The following PACRG variants were observed in gnomAD, a reference collection of about 807,000 sequenced individuals.
The protein encoded by PACRG is parkin coregulated.
Under a neutral mutation model 29.7 loss-of-function variants are expected in PACRG, and 29 were observed. The observed-to-expected ratio is 0.98, with a 90% CI of 0.73 to 1.33. The LOEUF is 1.33. Among genes scored for constraint, PACRG ranks in the 40% most tolerant of loss-of-function variants. The probability of loss-of-function intolerance (pLI) is 0.00; values close to 1 mark genes in which losing one functional copy is unlikely to be tolerated. For synonymous variants in PACRG, 116 were observed against 118.7 expected (o/e 0.98, Z 0.15); for missense variants, 279 against 316.2 (o/e 0.88, Z 0.89).
intron 4 of PACRG, among the ~76,000 whole-genome samples, chr6:163,175,626 G>A (rs1360537773): frequency 6.6e-6 from 1 of 152,064 alleles, no homozygotes; most frequent in African/African-American, 2.4e-5. Flanking sequence ...AGTGGGGAGG[G>A]ACGGAATGTC....
intron 3 of PACRG, among the ~76,000 whole-genome samples, chr6:163,084,602 C>T (rs1324414560): frequency 1.3e-5 from 2 of 152,060 alleles, no homozygotes; most frequent in Non-Finnish European, 2.9e-5. Context: ...TGCCATTACG[C>T]GTTACAGTTC....
upstream of PACRG, chr6:162,727,746 G>T (rs765761156): frequency 1.4e-6 from 2 of 1,445,300 alleles, no homozygotes; most frequent in Non-Finnish European, 9.5e-7. Flanking sequence ...TCCCACCAGC[G>T]GCTCTCCTGG....
chr6:162,808,873 T>A (rs1452638361), intron 1 of PACRG, among the ~76,000 whole-genome samples: 1 of 152,176 alleles, frequency 6.6e-6, no homozygotes, highest in Non-Finnish European at 1.5e-5. Flanking sequence ...TATAATATTT[T>A]CTCTTCTACA....
At chr6:162,728,708 C>G (rs551211652) in intron 1 of PACRG, among the ~76,000 whole-genome samples, 3 of 152,318 alleles carry the variant, frequency 2.0e-5, no homozygotes, top group South Asian at 4.1e-4. Context: ...TAATTCCTAA[C>G]TAGCCCCACT....
chr6:162,950,197 T>C (rs1799539204), intron 2 of PACRG, among the ~76,000 whole-genome samples: 1 of 152,158 alleles, frequency 6.6e-6, no homozygotes, highest in Non-Finnish European at 1.5e-5. Flanking sequence ...ATGCAGTAAT[T>C]ATTAAAAGTA....
intron 3 of PACRG, among the ~76,000 whole-genome samples, chr6:163,075,624 T>TA (rs1812472143): frequency 6.6e-6 from 1 of 152,208 alleles, no homozygotes. Context: ...CAAGCCAATT[T>TA]ACAACATTAA....
chr6:162,907,662 TAAGA>T (rs1282533252), intron 2 of PACRG, among the ~76,000 whole-genome samples: 1 of 152,122 alleles, frequency 6.6e-6, no homozygotes, highest in Non-Finnish European at 1.5e-5. Context: ...TTAAGACTCT[TAAGA>T]AAGATTCACA....
At chr6:162,970,860 G>C (rs543853006) in intron 2 of PACRG, among the ~76,000 whole-genome samples, 19 of 152,106 alleles carry the variant, frequency 1.2e-4, no homozygotes, top group Non-Finnish European at 2.9e-5. Flanking sequence ...CCTGAGCCAC[G>C]TATCCTGACT....
intron 2 of PACRG, among the ~76,000 whole-genome samples, chr6:163,025,057 A>G: frequency 6.6e-6 from 1 of 152,206 alleles, no homozygotes; most frequent in Non-Finnish European, 1.5e-5. Flanking sequence ...AAAAACCTTC[A>G]ACAGACTAGG....
At chr6:162,947,364 A>ATGATCATATATGATATAT (rs373909688) in intron 2 of PACRG, among the ~76,000 whole-genome samples, 1 of 55,592 alleles carries the variant, frequency 1.8e-5, no homozygotes, top group African/African-American at 6.9e-5. Context: ...TATATAATGT[A>ATGATCATATATGATATAT]ATCATATATA....
intron 2 of PACRG, among the ~76,000 whole-genome samples, chr6:162,836,713 C>T (rs562789235): frequency 2.6e-5 from 4 of 150,964 alleles, no homozygotes; most frequent in Admixed American, 1.3e-4. Flanking sequence ...TTGTATTTTT[C>T]ATTTGATTTA....
At chr6:162,766,374 C>T (rs1048579202) in intron 1 of PACRG, among the ~76,000 whole-genome samples, 5 of 152,000 alleles carry the variant, frequency 3.3e-5, no homozygotes, top group East Asian at 1.9e-4. Flanking sequence ...CTCATGTTGT[C>T]GCAAATGATA....
intron 2 of PACRG, among the ~76,000 whole-genome samples, chr6:162,903,562 A>C (rs1364327287): frequency 1.3e-5 from 2 of 152,152 alleles, no homozygotes; most frequent in Non-Finnish European, 2.9e-5. Flanking sequence ...TTATAAAACC[A>C]TCAGATCTCA....
intron 2 of PACRG, among the ~76,000 whole-genome samples, chr6:163,037,868 G>T (rs1808353286): frequency 6.6e-6 from 1 of 152,112 alleles, no homozygotes; most frequent in Non-Finnish European, 1.5e-5. Flanking sequence ...ACTCCCTCTG[G>T]CTTCCCTACT....
intron 2 of PACRG, chr6:163,044,505 G>A (rs956092682): frequency 6.6e-6 from 1 of 152,110 alleles, no homozygotes; most frequent in Non-Finnish European, 1.5e-5. Flanking sequence ...TAGAGTATAT[G>A]CAATCAGGTC....
chr6:163,203,527 G>T (rs1434984180), intron 4 of PACRG, among the ~76,000 whole-genome samples: 1 of 152,228 alleles, frequency 6.6e-6, no homozygotes, highest in African/African-American at 2.4e-5. Flanking sequence ...AAGAAACTTT[G>T]TTTGCCTCGG....
intron 4 of PACRG, among the ~76,000 whole-genome samples, chr6:163,198,316 T>C (rs773646554): frequency 3.3e-5 from 5 of 152,232 alleles, no homozygotes; most frequent in Admixed American, 2.6e-4. Flanking sequence ...ATTCAGAGTT[T>C]GATTATTTGT....
rs1241578512 is a variant in PACRG at position 162,959,292 on chromosome 6, G to C, written c.292-102858G>C. 2.6e-5 allele frequency among the ~76,000 whole-genome samples: 4 copies of C among 152,072 alleles called. No individual in the cohort carries two copies. The South Asian group carries it at 8.3e-4, about 31-fold the overall frequency. ...AGATGGATCTGGGAAGGGGGATAAG[G>C]AGTAGGGCCGGGGATGGGAACTTGT... On this transcript the variant is annotated intron_variant, in intron 2 of 4. Transcript: ENST00000366888.
rs76150534 is a variant in PACRG at position 162,818,986 on chromosome 6, A to G, written c.291+4705A>G. ...AAAATGGACTTGTATTTTGTCCAAA[A>G]TCCTTCCCCACTGCCCGCACAGCAC... is the stretch of plus-strand genomic sequence containing the variant. On this transcript the variant is annotated intron_variant, in intron 2 of 4. Transcript: ENST00000366888. Among the ~76,000 whole-genome samples, 604 of 152,090 alleles carry G rather than the reference A, an allele frequency of 4.0e-3. 2 individuals are homozygous for G. The highest frequency in any genetic ancestry group is 0.014 in the African/African-American group (584 of 41,488).
Sources: gnomAD v4.1 joint callset for allele counts (sites outside exome capture counted in the v4.1 genomes callset) on GRCh38, gnomAD v4.1.1 for gene constraint, MANE v1.5 for transcripts, NCBI Gene and HGNC (gene_info 2026-07-23, HGNC 2026-07-21) for gene names.